The following BCL2L11 variants were observed in gnomAD, a reference collection of about 807,000 sequenced individuals.
The protein encoded by BCL2L11 is bcl-2-like protein 11.
BCL2L11 carries 15 observed loss-of-function variants against 20.6 expected under a neutral mutation model. The observed-to-expected ratio is 0.73, with a 90% CI of 0.49 to 1.12. BCL2L11 has a LOEUF of 1.12. Ranked by LOEUF, BCL2L11 falls within the 50% of genes most tolerant of loss-of-function variation. BCL2L11 has a pLI of 0.00. For synonymous variants in BCL2L11, 108 were observed against 92.8 expected, an observed-to-expected ratio of 1.16 and a Z score of -0.94; for missense variants, 292 against 260.9, an observed-to-expected ratio of 1.12 and a Z score of -0.82.
chr2:111,144,848 T>TC (rs1232193468), intron 2 of BCL2L11, among the ~76,000 whole-genome samples: 1 of 152,018 alleles, frequency 6.6e-6, no homozygotes, highest in Non-Finnish European at 1.5e-5. Context: ...CTCTGGAGAG[T>TC]AAAGGTAGAC....
In BCL2L11 at chr2:111,137,447, C is replaced by A. The variant is rs572024775; in HGVS notation, c.395-12597C>A. 2.6e-4 allele frequency among the ~76,000 whole-genome samples: 40 copies of A among 152,272 alleles called. No homozygotes were observed. In the South Asian group the frequency reaches 6.8e-3, roughly 26 times the overall value. ...GCCTAATCCACTTCTGGTCCCTGCT[C>A]GGTCAATGGCTGAGACTTGTGCTGG... On this transcript the variant is annotated intron_variant, in intron 2 of 3. Coordinates refer to ENST00000393256, the MANE Select transcript of BCL2L11 (RefSeq NM_138621.5).
At chr2:111,154,208 TCA>T (rs1426299392) in intron 3 of BCL2L11, among the ~76,000 whole-genome samples, 2 of 152,198 alleles carry the variant, frequency 1.3e-5, no homozygotes, top group East Asian at 3.8e-4. Flanking sequence ...TAAAAATACT[TCA>T]GTGTATATTT....
At chr2:111,160,160 A>G (rs954487146) in intron 3 of BCL2L11, among the ~76,000 whole-genome samples, 3 of 152,108 alleles carry the variant, frequency 2.0e-5, no homozygotes, top group Non-Finnish European at 4.4e-5. Flanking sequence ...CTCCACCTGC[A>G]CTGCCCATTC....
intron 2 of BCL2L11, among the ~76,000 whole-genome samples, chr2:111,138,666 A>G (rs17041869): frequency 0.11 from 17,164 of 152,186 alleles, 1,051 homozygotes; most frequent in East Asian, 0.26. Flanking sequence ...CTCAGGGAAC[A>G]TCTCCATCGG....
rs935215920 is a variant in BCL2L11 at position 111,123,652 on chromosome 2, A to G, written c.-13-81A>G. 3 of 1,278,916 alleles carry G rather than the reference A, an allele frequency of 2.3e-6. No homozygotes were observed. In the Admixed American group the frequency reaches 1.0e-4, roughly 42 times the overall value. 79.2% of individuals were successfully genotyped at this position (1,278,916 alleles called of 1,614,324 possible). ...TTGGGATTAACCCTAAGAATTTTTA[A>G]TCGCTAGGTGAGAGCTAATTTGTTT... On this transcript the variant is annotated intron_variant, in intron 1 of 3. Transcript: ENST00000393256.
rs533189582 is a variant in BCL2L11 at position 111,134,849 on chromosome 2, A to G, written c.394+10710A>G. Reference sequence around the variant, plus strand: ...AACATGCCACTTTCTTAGGGCCTCTATGGTTTTAGATGAGAAATCCCTTGT... The same window carrying G: ...AACATGCCACTTTCTTAGGGCCTCTGTGGTTTTAGATGAGAAATCCCTTGT... On this transcript the variant is annotated intron_variant, in intron 2 of 3. Transcript: ENST00000393256. 1.4e-4 allele frequency among the ~76,000 whole-genome samples: 22 copies of G among 152,222 alleles called. No individual in the cohort carries two copies. The South Asian group carries it at 3.3e-3, about 23-fold the overall frequency.
chr2:111,124,449 C>G (rs1266364626), intron 2 of BCL2L11, among the ~76,000 whole-genome samples: 1 of 152,136 alleles, frequency 6.6e-6, no homozygotes, highest in African/African-American at 2.4e-5. Flanking sequence ...TGCCACCACG[C>G]CCAGCTAATT....
chr2:111,168,019 G>A lies in BCL2L11; in HGVS notation c.*3788G>A, dbSNP rs1044411916. 6.5e-5 allele frequency: 10 copies of A among 152,672 alleles called. No homozygotes were observed. The highest frequency in any genetic ancestry group is 1.4e-4 in the African/African-American group (6 of 41,448). 9.5% of individuals were successfully genotyped at this position (152,672 alleles called of 1,614,324 possible). On this transcript the variant is annotated 3_prime_UTR_variant, in exon 4 of 4. Coordinates refer to ENST00000393256, the MANE Select transcript of BCL2L11 (RefSeq NM_138621.5). ...GTCCACTCACGTACACGTGGGGTGGGGGAAACGTGTCTACAGATGACGCTA... is the reference window on the plus strand; with the variant it reads ...GTCCACTCACGTACACGTGGGGTGGAGGAAACGTGTCTACAGATGACGCTA...
At chr2:111,155,551 A>G (rs1016576315) in intron 3 of BCL2L11, among the ~76,000 whole-genome samples, 2 of 152,292 alleles carry the variant, frequency 1.3e-5, no homozygotes, top group Non-Finnish European at 2.9e-5. Flanking sequence ...TTCTGCAACC[A>G]ACATGCCTCC....
At chr2:111,128,920 T>A in intron 2 of BCL2L11, 1 of 1,175,190 alleles carries the variant, frequency 8.5e-7, no homozygotes, top group Non-Finnish European at 1.2e-6. Flanking sequence ...GCTGGTGTTC[T>A]GTTTCATCTA....
chr2:111,149,917 G>A (rs775400254), intron 2 of BCL2L11, 127 bp from the exon 3 acceptor site: 37 of 699,448 alleles, frequency 5.3e-5, no homozygotes, highest in Non-Finnish European at 8.2e-5. Context: ...AGTTGTTGAA[G>A]TCAGGGAGCT....
chr2:111,139,643 G>C (rs2075481337), intron 2 of BCL2L11, among the ~76,000 whole-genome samples: 1 of 152,078 alleles, frequency 6.6e-6, no homozygotes, highest in South Asian at 2.1e-4. Flanking sequence ...CCTTCTTCTT[G>C]GTAACCTTTT....
At chr2:111,126,708 C>T (rs1185326008) in intron 2 of BCL2L11, among the ~76,000 whole-genome samples, 5 of 152,146 alleles carry the variant, frequency 3.3e-5, no homozygotes, top group Non-Finnish European at 7.4e-5. Context: ...GTTTAGTATT[C>T]TTTACTCAAC....
At chr2:111,150,904 T>TTGTG (rs139665965) in intron 3 of BCL2L11, among the ~76,000 whole-genome samples, 8 of 151,256 alleles carry the variant, frequency 5.3e-5, no homozygotes, top group Non-Finnish European at 1.0e-4. Flanking sequence ...GTTTGTTTGT[T>TTGTG]TGTGTGTGTG....
At position 111,131,762 on chromosome 2, in the gene BCL2L11, T is replaced by C. The variant is rs541420483; in HGVS notation, c.394+7623T>C. The C allele has an allele frequency of 2.6e-5, 4 of 152,190 alleles. No individual in the cohort carries two copies. In the East Asian group the frequency reaches 7.7e-4, roughly 29 times the overall value. 9.4% of individuals were successfully genotyped at this position (152,190 alleles called of 1,614,324 possible). A position where few individuals can be genotyped will look rare whatever the true frequency, so the allele number is the denominator to read the frequency against. On this transcript the variant is annotated intron_variant, in intron 2 of 3. Transcript: ENST00000393256. ...AACCCTATCTCGGGCAGCCTCAAGA[T>C]GAGATGGTAGATCCGTGCATGGTTA...
chr2:111,150,203 A>T (rs569981885), intron 3 of BCL2L11, 56 bp downstream of exon 3: 4 of 1,576,960 alleles, frequency 2.5e-6, no homozygotes, highest in East Asian at 4.7e-5. Context: ...TCCACACTAT[A>T]TTTTTTTAAA....
At chr2:111,129,510 C>T (rs2073446974) in intron 2 of BCL2L11, among the ~76,000 whole-genome samples, 1 of 152,220 alleles carries the variant, frequency 6.6e-6, no homozygotes, top group African/African-American at 2.4e-5. Flanking sequence ...ATTGTATATG[C>T]CATTCACCCA....
At chr2:111,163,274 A>G (rs897423443) in intron 3 of BCL2L11, 3 of 152,244 alleles carry the variant, frequency 2.0e-5, no homozygotes, top group Non-Finnish European at 2.9e-5. Flanking sequence ...TTAGTCATTA[A>G]GAAATGTCCA....
chr2:111,165,347 T>A lies in BCL2L11; in HGVS notation c.*1116T>A, dbSNP rs2078973583. 6.6e-6 allele frequency: 1 copy of A among 152,338 alleles called. No individual in the cohort carries two copies. Among genetic ancestry groups the A allele is most frequent in the Non-Finnish European group, 1.5e-5 (1 of 68,130 alleles). 9.4% of individuals were successfully genotyped at this position (152,338 alleles called of 1,614,324 possible). A position where few individuals can be genotyped will look rare whatever the true frequency, so the allele number is the denominator to read the frequency against. Reference sequence around the variant, plus strand: ...CATCCAGCTCACGCCCTCATGGGAATTGGCACAGGCCTGGGGCAGGGCTTC... The same window carrying A: ...CATCCAGCTCACGCCCTCATGGGAAATGGCACAGGCCTGGGGCAGGGCTTC... On this transcript the variant is annotated 3_prime_UTR_variant, in exon 4 of 4. Coordinates refer to ENST00000393256, the MANE Select transcript of BCL2L11 (RefSeq NM_138621.5).
Sources: allele counts gnomAD v4.1 joint callset (sites outside exome capture counted in the v4.1 genomes callset), GRCh38; gene constraint gnomAD v4.1.1; transcripts MANE v1.5; gene names NCBI Gene and HGNC (gene_info 2026-07-23, HGNC 2026-07-21).